Variants in LRRC4C observed in about 807,000 individuals in gnomAD.
LRRC4C encodes the protein leucine rich repeat containing 4C.
In LRRC4C, 5 loss-of-function variants were observed where a neutral mutation model predicts 33.6. That is an observed-to-expected ratio of 0.15 (90% confidence interval 0.08 to 0.31). The LOEUF is 0.31. Among genes scored for constraint, LRRC4C ranks in the 10% least tolerant of loss-of-function variants. LRRC4C has a pLI of 1.00. For synonymous variants in LRRC4C, 329 were observed against 302.0 expected (o/e 1.09, Z -0.93); for missense variants, 560 against 796.7 (o/e 0.70, Z 3.58).
intron 2 of LRRC4C, among the ~76,000 whole-genome samples, chr11:40,883,004 T>C (rs1214660712): frequency 6.6e-6 from 1 of 152,070 alleles, no homozygotes; most frequent in East Asian, 1.9e-4. Flanking sequence ...ATGAATGGTC[T>C]GAGGTATGGG....
At chr11:40,864,388 C>T (rs1263012727) in intron 2 of LRRC4C, among the ~76,000 whole-genome samples, 1 of 152,048 alleles carries the variant, frequency 6.6e-6, no homozygotes, top group South Asian at 2.1e-4. Flanking sequence ...TAATTTATAC[C>T]ACAAGATGTA....
chr11:41,328,596 G>A (rs746975790), intron 1 of LRRC4C, among the ~76,000 whole-genome samples: 96 of 152,066 alleles, frequency 6.3e-4, no homozygotes, highest in Non-Finnish European at 1.2e-3. Flanking sequence ...AGTTCTCTTC[G>A]TAGGCATGAC....
At chr11:40,117,691 T>C (rs1855531452) in intron 6 of LRRC4C, among the ~76,000 whole-genome samples, 1 of 150,530 alleles carries the variant, frequency 6.6e-6, no homozygotes, top group Admixed American at 6.6e-5. Context: ...ATGAGTCTCT[T>C]GGAAAGAAAA....
intron 3 of LRRC4C, among the ~76,000 whole-genome samples, chr11:40,482,867 C>T (rs1953659614): frequency 6.6e-6 from 1 of 152,138 alleles, no homozygotes; most frequent in Non-Finnish European, 1.5e-5. Context: ...TCTGTTTTAT[C>T]TCAGTCCTAA....
intron 4 of LRRC4C, among the ~76,000 whole-genome samples, chr11:40,302,496 A>G (rs190348521): frequency 1.3e-5 from 2 of 152,292 alleles, no homozygotes; most frequent in Admixed American, 6.5e-5. Flanking sequence ...GATTATCAGA[A>G]CAAAGTTTCT....
Position 40,707,720 on chromosome 11 carries a change from C to T in LRRC4C, c.-406-59442G>A, listed in dbSNP as rs562673031. Among the ~76,000 whole-genome samples the T allele has an allele frequency of 2.0e-3, 301 of 152,246 alleles. 2 individuals are homozygous for T. Among genetic ancestry groups the T allele is most frequent in the African/African-American group, 7.0e-3 (289 of 41,534 alleles). On this transcript the variant is annotated intron_variant, in intron 2 of 6. Transcript: ENST00000528697. ...GCTTTGGTATCAGGATGATGCTGGC[C>T]TCATAAAATGAGTTAGGGAGGATTC...
chr11:40,617,011 CAGAT>C (rs1165667606), intron 3 of LRRC4C, among the ~76,000 whole-genome samples: 9 of 151,514 alleles, frequency 5.9e-5, no homozygotes. Context: ...AATTACATGA[CAGAT>C]AGCCACTTCA....
chr11:40,652,568 C>T (rs1418038821), intron 2 of LRRC4C, among the ~76,000 whole-genome samples: 1 of 152,202 alleles, frequency 6.6e-6, no homozygotes, highest in African/African-American at 2.4e-5. Context: ...CAGGATCACA[C>T]AACCCAATGT....
intron 1 of LRRC4C, among the ~76,000 whole-genome samples, chr11:41,385,082 T>C (rs1401918616): frequency 2.6e-5 from 4 of 151,024 alleles, no homozygotes; most frequent in Non-Finnish European, 5.9e-5. Flanking sequence ...AATCTAATTA[T>C]ATAGATATAA....
At chr11:40,320,461 G>A (rs769334322) in intron 3 of LRRC4C, among the ~76,000 whole-genome samples, 6 of 152,068 alleles carry the variant, frequency 3.9e-5, no homozygotes, top group African/African-American at 1.2e-4. Context: ...AGCTGAGATC[G>A]CGCCACTGCA....
intron 6 of LRRC4C, among the ~76,000 whole-genome samples, chr11:40,124,187 G>A (rs1250645260): frequency 3.3e-5 from 5 of 152,036 alleles, no homozygotes; most frequent in Admixed American, 2.6e-4. Flanking sequence ...GTGAGGATGT[G>A]GGAAAAAGGG....
At chr11:41,206,700 C>T (rs1297155832) in intron 1 of LRRC4C, among the ~76,000 whole-genome samples, 1 of 152,144 alleles carries the variant, frequency 6.6e-6, no homozygotes, top group East Asian at 1.9e-4. Flanking sequence ...CTTAGTGTAT[C>T]AGAGAGAAGA....
intron 3 of LRRC4C, among the ~76,000 whole-genome samples, chr11:40,328,335 A>G (rs1206260435): frequency 6.6e-6 from 1 of 152,198 alleles, no homozygotes; most frequent in East Asian, 1.9e-4. Context: ...AAATAAAGAG[A>G]CCACATCATT....
intron 6 of LRRC4C, among the ~76,000 whole-genome samples, chr11:40,127,845 G>A (rs1856367995): frequency 1.3e-5 from 2 of 152,158 alleles, no homozygotes; most frequent in South Asian, 4.1e-4. Flanking sequence ...TACACAAAAA[G>A]AGCAGTGTAT....
intron 3 of LRRC4C, among the ~76,000 whole-genome samples, chr11:40,345,364 G>A (rs1367039150): frequency 1.3e-5 from 2 of 151,990 alleles, no homozygotes; most frequent in Non-Finnish European, 2.9e-5. Context: ...TAGACCAATA[G>A]AATGGAATAG....
chr11:40,664,768 T>A (rs926333044), intron 2 of LRRC4C, among the ~76,000 whole-genome samples: 46 of 152,224 alleles, frequency 3.0e-4, no homozygotes, highest in Middle Eastern at 6.8e-3. Context: ...TCTGTTTTTT[T>A]AATATATATA....
At chr11:40,775,177 G>A (rs1373812224) in intron 2 of LRRC4C, among the ~76,000 whole-genome samples, 2 of 152,000 alleles carry the variant, frequency 1.3e-5, no homozygotes, top group African/African-American at 2.4e-5. Flanking sequence ...TTGGGAGGCC[G>A]AGGTGGATGG....
chr11:41,020,339 C>A (rs1289635493), intron 1 of LRRC4C, among the ~76,000 whole-genome samples: 4 of 152,012 alleles, frequency 2.6e-5, no homozygotes, highest in Non-Finnish European at 4.4e-5. Context: ...AAAGCACTAA[C>A]CTCTGGAATT....
intron 3 of LRRC4C, among the ~76,000 whole-genome samples, chr11:40,580,903 G>A (rs184066797): frequency 7.6e-4 from 115 of 152,312 alleles, no homozygotes; most frequent in African/African-American, 2.1e-3. Context: ...CATGGACTCA[G>A]TAATACTGCT....
Sources: gnomAD v4.1 joint callset for allele counts (sites outside exome capture counted in the v4.1 genomes callset) on GRCh38, gnomAD v4.1.1 for gene constraint, MANE v1.5 for transcripts, NCBI Gene and HGNC (gene_info 2026-07-23, HGNC 2026-07-21) for gene names.